Variants in GFRA2 observed in about 807,000 individuals in gnomAD.
GFRA2 encodes the protein GDNF family receptor alpha 2.
In GFRA2, 17 loss-of-function variants were observed where a neutral mutation model predicts 48.3. That is an observed-to-expected ratio of 0.35 (90% CI 0.24 to 0.53). GFRA2 has a LOEUF of 0.53. Ranked by LOEUF, GFRA2 falls within the 20% of genes least tolerant of loss-of-function variation. GFRA2 has a pLI of 0.93. For missense variants in GFRA2, 660 were observed against 637.3 expected, an observed-to-expected ratio of 1.04 and a Z score of -0.38; for synonymous variants, 305 against 257.2, an observed-to-expected ratio of 1.19 and a Z score of -1.78.
At chr8:21,695,359 G>T (rs1802110355) in intron 7 of GFRA2, among the ~76,000 whole-genome samples, 1 of 152,172 alleles carries the variant, frequency 6.6e-6, no homozygotes, top group African/African-American at 2.4e-5. Context: ...TTCCAGGGAA[G>T]TTCTGGCCAC....
At chr8:21,722,574 A>C (rs191309363) in intron 4 of GFRA2, among the ~76,000 whole-genome samples, 2 of 152,302 alleles carry the variant, frequency 1.3e-5, no homozygotes, top group African/African-American at 2.4e-5. Context: ...GGAGGAGAGA[A>C]CATGGGCCCT....
At position 21,788,133 on chromosome 8, in the gene GFRA2, G is replaced by C. The variant is rs917986091; in HGVS notation, c.27C>G (p.Leu9=). 1 of 1,562,396 alleles carries C rather than the reference G, an allele frequency of 6.4e-7. No individual in the cohort carries two copies. The change falls in exon 1 of 9, where the codon CTC becomes CTG. Residue 9 remains leucine (L), a synonymous_variant. Coordinates refer to ENST00000524240, the MANE Select transcript of GFRA2 (RefSeq NM_001495.5). The part of the protein sequence containing the change: MILANVFC[L]FFFLDETLRS... ...GCAGGTACTCACCTAGAAAGAAGAAGAGGCAGAAGACGTTTGCCAAGATCA... is the reference window on the plus strand; with the variant it reads ...GCAGGTACTCACCTAGAAAGAAGAACAGGCAGAAGACGTTTGCCAAGATCA...
rs1270550785 is a variant in GFRA2 at position 21,804,863 on chromosome 8, T to A, written c.-36+154A>T. Among the ~76,000 whole-genome samples the A allele has an allele frequency of 2.0e-5, 3 of 152,264 alleles. No homozygotes were observed. The East Asian group carries it at 5.8e-4, about 29-fold the overall frequency. On this transcript the variant is annotated intron_variant, in intron 2 of 10. Coordinates refer to the GFRA2 transcript ENST00000517328. ...GCCCCTACTGCCCTTTCTCCCCTGC[T>A]CCAGCCTCCAATTCCATTCTGCAAC... is the stretch of plus-strand genomic sequence containing the variant.
intron 4 of GFRA2, among the ~76,000 whole-genome samples, chr8:21,744,269 G>A (rs1804885237): frequency 6.6e-6 from 1 of 152,134 alleles, no homozygotes; most frequent in South Asian, 2.1e-4. Context: ...AACTTCCTCT[G>A]CTTCCCAACA....
intron 4 of GFRA2, among the ~76,000 whole-genome samples, chr8:21,719,161 C>A (rs1803478109): frequency 6.6e-6 from 1 of 152,066 alleles, no homozygotes; most frequent in Non-Finnish European, 1.5e-5. Context: ...CAATCAGACC[C>A]CAGCCACCAA....
intron 2 of GFRA2, among the ~76,000 whole-genome samples, chr8:21,803,949 C>G (rs1261766165): frequency 1.3e-5 from 2 of 152,186 alleles, no homozygotes; most frequent in Non-Finnish European, 2.9e-5. Context: ...GTGCAAAGTC[C>G]ACATCACCTG....
At chr8:21,728,104 A>G (rs1297185639) in intron 4 of GFRA2, among the ~76,000 whole-genome samples, 4 of 151,968 alleles carry the variant, frequency 2.6e-5, no homozygotes, top group Non-Finnish European at 4.4e-5. Context: ...AGGCCACCAC[A>G]CAGCACTGAT....
chr8:21,762,946 C>A (rs1277111192), intron 3 of GFRA2, among the ~76,000 whole-genome samples: 1 of 152,068 alleles, frequency 6.6e-6, no homozygotes, highest in Non-Finnish European at 1.5e-5. Context: ...TGTGATTAAC[C>A]TAAATCTTTC....
At chr8:21,782,461 A>T in intron 2 of GFRA2, 124 bp downstream of exon 2, 2 of 697,340 alleles carry the variant, frequency 2.9e-6, no homozygotes, top group South Asian at 1.9e-5. Flanking sequence ...CCTAGCAGGT[A>T]GACATAGAGA....
intron 4 of GFRA2, among the ~76,000 whole-genome samples, chr8:21,734,265 T>C (rs1804343119): frequency 6.6e-6 from 1 of 152,202 alleles, no homozygotes; most frequent in South Asian, 2.1e-4. Flanking sequence ...CAGCTGGTGT[T>C]AGACCTTCTA....
intron 3 of GFRA2, among the ~76,000 whole-genome samples, chr8:21,757,932 T>C (rs1563250805): frequency 1.3e-5 from 2 of 152,170 alleles, no homozygotes; most frequent in Non-Finnish European, 2.9e-5. Context: ...TCTAACCCAT[T>C]AGAATGCAAT....
chr8:21,738,056 T>C lies in GFRA2; in HGVS notation c.794+12532A>G, dbSNP rs538953957. On this transcript the variant is annotated intron_variant, in intron 4 of 8. Transcript: ENST00000524240. ...ACACAAACACTTTTTGGATTTGACA[T>C]TTCCTCTTGCATGTTCCAAAGGCTT... Among the ~76,000 whole-genome samples, 3 of 125,908 alleles carry C rather than the reference T, an allele frequency of 2.4e-5. No individual in the cohort carries two copies. In the South Asian group the frequency reaches 7.4e-4, roughly 31 times the overall value. 82.6% of individuals were successfully genotyped at this position (125,908 alleles called of 152,430 possible).
chr8:21,750,588 C>A lies in GFRA2; in HGVS notation c.794G>T (p.Arg265Leu). Residue 265 changes from arginine to leucine, a missense_variant and splice_region_variant, in exon 4 of 9, where the codon CGG becomes CTG. Coordinates refer to ENST00000524240, the MANE Select transcript of GFRA2 (RefSeq NM_001495.5). The surrounding 1 kb of genome is among the most constrained non-coding windows in gnomAD (Gnocchi z 5.7). ...CCACCGGGGCTGCCGCGGCACTCAC[C>A]GACACAGGTGGTCAGTCCGGCACAC... ...RGVCRTDHLC[R>L]SRLADFHANC... 1.3e-6 allele frequency: 2 copies of A among 1,586,812 alleles called. No individual in the cohort carries two copies. The highest frequency in any genetic ancestry group is 8.6e-7 in the Non-Finnish European group (1 of 1,162,944).
chr8:21,808,518 G>A (rs1007839080), intron 1 of GFRA2, among the ~76,000 whole-genome samples: 7 of 152,288 alleles, frequency 4.6e-5, no homozygotes, highest in Non-Finnish European at 1.0e-4. Flanking sequence ...TTTCACTTCC[G>A]TTAACCCTCC....
intron 4 of GFRA2, among the ~76,000 whole-genome samples, chr8:21,738,032 CACAA>C (rs890713989): frequency 1.3e-5 from 2 of 151,584 alleles, no homozygotes; most frequent in African/African-American, 2.4e-5. Flanking sequence ...CTCGCAGACA[CACAA>C]ACACTTTTTG....
chr8:21,711,442 A>T (rs1354883028), intron 4 of GFRA2, among the ~76,000 whole-genome samples: 1 of 152,186 alleles, frequency 6.6e-6, no homozygotes, highest in African/African-American at 2.4e-5. Context: ...CAGCAGGTGG[A>T]TCTGTCTGGA....
At chr8:21,694,075 T>TA (rs1563209422) in intron 8 of GFRA2, among the ~76,000 whole-genome samples, 6 of 49,122 alleles carry the variant, frequency 1.2e-4, no homozygotes, top group South Asian at 1.6e-3. Context: ...ATTTATTTAT[T>TA]TTTATATATA....
chr8:21,720,201 G>A (rs1803528981), intron 4 of GFRA2, among the ~76,000 whole-genome samples: 1 of 152,144 alleles, frequency 6.6e-6, no homozygotes, highest in African/African-American at 2.4e-5. Flanking sequence ...TGAATGCTTG[G>A]CCTAAACTCA....
At position 21,732,644 on chromosome 8, in the gene GFRA2, A is replaced by G. The variant is rs550609787; in HGVS notation, c.794+17944T>C. Among the ~76,000 whole-genome samples, 12 of 152,350 alleles carry G rather than the reference A, an allele frequency of 7.9e-5. No individual in the cohort carries two copies. The South Asian group carries it at 8.3e-4, about 11-fold the overall frequency. On this transcript the variant is annotated intron_variant, in intron 4 of 8. Transcript: ENST00000524240. Reference sequence around the variant, plus strand: ...GTCTGAGTCCCGTGAGCCCAGCCCAATGGTCCTGCAGGCCACAGACAGGGG... The same window carrying G: ...GTCTGAGTCCCGTGAGCCCAGCCCAGTGGTCCTGCAGGCCACAGACAGGGG...
Sources: allele counts gnomAD v4.1 joint callset (sites outside exome capture counted in the v4.1 genomes callset), GRCh38; gene constraint gnomAD v4.1.1; non-coding constraint Gnocchi (gnomAD v3.1); transcripts MANE v1.5; gene names NCBI Gene and HGNC (gene_info 2026-07-23, HGNC 2026-07-21).